DDAH1: variants seen among roughly 807,000 people sequenced by gnomAD.
DDAH1 encodes the protein dimethylarginine dimethylaminohydrolase 1.
Under a neutral mutation model 28.8 loss-of-function variants are expected in DDAH1, and 19 were observed. That is an observed-to-expected ratio of 0.66 (90% CI 0.46 to 0.97). The LOEUF is 0.97. DDAH1 is among the 50% of genes least tolerant of loss of function. DDAH1 has a pLI of 0.00. For synonymous variants in DDAH1, 153 were observed against 154.4 expected (o/e 0.99, Z 0.07); for missense variants, 326 against 375.9 (o/e 0.87, Z 1.10).
chr1:85,394,862 A>G (rs1651732872), intron 1 of DDAH1, among the ~76,000 whole-genome samples: 1 of 152,236 alleles, frequency 6.6e-6, no homozygotes, highest in African/African-American at 2.4e-5. Flanking sequence ...GCCATTTCCA[A>G]GTAAGTTAGA....
In DDAH1 at chr1:85,318,996, T is replaced by C. The variant is rs1661214566; in HGVS notation, c.*2456A>G. On this transcript the variant is annotated 3_prime_UTR_variant, in exon 6 of 6. Coordinates refer to ENST00000284031, the MANE Select transcript of DDAH1 (RefSeq NM_012137.4). The stretch of plus-strand genomic sequence containing the variant: ...AATTCTGACTTAACTTTTACTTAGT[T>C]AAATATAATTTCTCCTGTCTTTTAA... 6.6e-6 allele frequency: 1 copy of C among 152,262 alleles called. No homozygotes were observed. The highest frequency in any genetic ancestry group is 2.4e-5 in the African/African-American group (1 of 41,474). 9.4% of individuals were successfully genotyped at this position (152,262 alleles called of 1,614,324 possible). A position where few individuals can be genotyped will look rare whatever the true frequency, so the allele number is the denominator to read the frequency against.
intron 4 of DDAH1, among the ~76,000 whole-genome samples, chr1:85,343,920 T>C (rs1648670659): frequency 6.6e-6 from 1 of 152,330 alleles, no homozygotes; most frequent in African/African-American, 2.4e-5. Context: ...ATTATATAGT[T>C]AGTCATTCAA....
intron 1 of DDAH1, among the ~76,000 whole-genome samples, chr1:85,393,292 T>C (rs1651651095): frequency 6.6e-6 from 1 of 152,070 alleles, no homozygotes; most frequent in Non-Finnish European, 1.5e-5. Context: ...CAGTTTAAAC[T>C]CCACTTGTGG....
intron 1 of DDAH1, among the ~76,000 whole-genome samples, chr1:85,445,870 G>T (rs773112626): frequency 2.6e-5 from 4 of 152,000 alleles, no homozygotes; most frequent in Non-Finnish European, 4.4e-5. Context: ...CAAAATACTG[G>T]GATTATAGAC....
chr1:85,427,503 T>C (rs1201738225), intron 1 of DDAH1, among the ~76,000 whole-genome samples: 1 of 152,200 alleles, frequency 6.6e-6, no homozygotes, highest in African/African-American at 2.4e-5. Context: ...GCAAGACTTT[T>C]ACAGCAGTGA....
chr1:85,484,898 A>C (rs1280173725), intron 2 of DDAH1, among the ~76,000 whole-genome samples: 1 of 152,196 alleles, frequency 6.6e-6, no homozygotes, highest in Non-Finnish European at 1.5e-5. Context: ...GAGCAATTTA[A>C]GGGACACATG....
rs143462318 is a variant in DDAH1 at position 85,473,504 on chromosome 1, C to T, written c.-7+22662G>A. Among the ~76,000 whole-genome samples the T allele has an allele frequency of 8.9e-4, 136 of 152,014 alleles. 1 individual carries two copies. Among genetic ancestry groups the T allele is most frequent in the African/African-American group, 3.2e-3 (131 of 41,520 alleles). ...GTATGTGTACACACACACACACGCA[C>T]GCGCACAGGGCTCTGATAACCCCCT... On this transcript the variant is annotated intron_variant, in intron 2 of 6. Coordinates refer to the DDAH1 transcript ENST00000426972.
At chr1:85,432,432 T>A (rs946364574) in intron 1 of DDAH1, among the ~76,000 whole-genome samples, 3 of 152,234 alleles carry the variant, frequency 2.0e-5, no homozygotes, top group African/African-American at 7.2e-5. Flanking sequence ...TCATTATGCA[T>A]GCTTCTAAAT....
intron 4 of DDAH1, among the ~76,000 whole-genome samples, chr1:85,334,326 A>G (rs1041872517): frequency 6.6e-6 from 1 of 152,086 alleles, no homozygotes; most frequent in Admixed American, 6.5e-5. Context: ...TAAATTACCC[A>G]GTCTTAGACA....
chr1:85,359,141 G>T (rs183670143), intron 1 of DDAH1, among the ~76,000 whole-genome samples: 2 of 152,172 alleles, frequency 1.3e-5, no homozygotes, highest in Non-Finnish European at 2.9e-5. Context: ...GTTGGAGGCC[G>T]ACTAGTTAAG....
intron 1 of DDAH1, among the ~76,000 whole-genome samples, chr1:85,521,038 AG>A: frequency 6.6e-6 from 1 of 152,286 alleles, no homozygotes; most frequent in South Asian, 2.1e-4. Context: ...TTACCTCTCC[AG>A]GGCCAGGTAC....
intron 1 of DDAH1, among the ~76,000 whole-genome samples, chr1:85,362,343 A>C (rs917432614): frequency 9.2e-5 from 14 of 152,148 alleles, no homozygotes; most frequent in African/African-American, 2.9e-4. Context: ...GACTCAAAAG[A>C]GCATCAGCTA....
chr1:85,556,250 T>C (rs1428836527), intron 1 of DDAH1, among the ~76,000 whole-genome samples: 3 of 152,174 alleles, frequency 2.0e-5, no homozygotes, highest in African/African-American at 7.2e-5. Flanking sequence ...AGAACACTCC[T>C]GTCCAACATC....
intron 1 of DDAH1, among the ~76,000 whole-genome samples, chr1:85,526,734 G>C (rs1332170692): frequency 6.8e-6 from 1 of 147,626 alleles, no homozygotes; most frequent in Non-Finnish European, 1.5e-5. Context: ...AAGGGATTCA[G>C]TCATATGTGA....
intron 1 of DDAH1, among the ~76,000 whole-genome samples, chr1:85,400,195 T>C (rs1216726630): frequency 8.8e-5 from 9 of 102,638 alleles, no homozygotes; most frequent in African/African-American, 1.2e-4. Context: ...TTTTTTTTTT[T>C]TTTTTTTTTT....
At chr1:85,335,136 G>C (rs971990213) in intron 4 of DDAH1, among the ~76,000 whole-genome samples, 2 of 152,168 alleles carry the variant, frequency 1.3e-5, no homozygotes, top group Non-Finnish European at 1.5e-5. Context: ...ATGAGGAAGA[G>C]AAAGCATTCA....
In DDAH1 at chr1:85,458,180, T is replaced by C. The variant is rs541383472; in HGVS notation, c.303+6563A>G. ...TCGGGTTCTTGTCCACACTGATTTG[T>C]TGGACAAAATTAAACCAACCCTGTA... On this transcript the variant is annotated intron_variant, in intron 1 of 5. Transcript: ENST00000284031. Among the ~76,000 whole-genome samples the C allele has an allele frequency of 7.0e-4, 106 of 152,330 alleles. 1 individual carries two copies. The Middle Eastern group carries it at 0.01, about 15-fold the overall frequency.
At chr1:85,543,535 T>C (rs972674) in intron 1 of DDAH1, among the ~76,000 whole-genome samples, 25,476 of 152,152 alleles carry the variant, frequency 0.17, 2,840 homozygotes, top group African/African-American at 0.31. Context: ...TGATATCTGG[T>C]AATTTCCGCA....
intron 2 of DDAH1, among the ~76,000 whole-genome samples, chr1:85,472,717 T>C (rs1259525690): frequency 6.6e-6 from 1 of 152,182 alleles, no homozygotes; most frequent in Admixed American, 6.5e-5. Flanking sequence ...GAGGTGAGTG[T>C]TGCTCCAAAC....
Sources: gnomAD v4.1 joint callset for allele counts (sites outside exome capture counted in the v4.1 genomes callset) on GRCh38, gnomAD v4.1.1 for gene constraint, MANE v1.5 for transcripts, NCBI Gene and HGNC (gene_info 2026-07-23, HGNC 2026-07-21) for gene names.